FERRY3: variants seen among roughly 807,000 people sequenced by gnomAD.
FERRY3 encodes the protein protein C12orf4.
At chr12:4,518,746 A>C in the FERRY3 span, 1 of 1,265,870 alleles carries the variant, frequency 7.9e-7, no homozygotes, top group African/African-American at 1.5e-5. Context: ...ACAATAAATT[A>C]TAACTGCAAA....
chr12:4,517,832 C>A, the FERRY3 span, among the ~76,000 whole-genome samples: 1 of 151,274 alleles, frequency 6.6e-6, no homozygotes, highest in African/African-American at 2.4e-5. Flanking sequence ...AATGAGAATT[C>A]TATAAAAACA....
the FERRY3 span, among the ~76,000 whole-genome samples, chr12:4,515,866 G>A: frequency 6.6e-6 from 1 of 152,196 alleles, no homozygotes; most frequent in Non-Finnish European, 1.5e-5. Flanking sequence ...TTCGTTTGAA[G>A]TAATTATTTT....
chr12:4,513,961 T>A, the FERRY3 span, among the ~76,000 whole-genome samples: 12 of 151,240 alleles, frequency 7.9e-5, no homozygotes, highest in Non-Finnish European at 1.5e-4. Context: ...ACAGGCAACC[T>A]ACAAAATGGG....
chr12:4,518,566 A>C, the FERRY3 span, among the ~76,000 whole-genome samples: 1 of 152,186 alleles, frequency 6.6e-6, no homozygotes, highest in East Asian at 1.9e-4. Flanking sequence ...CATATAAAAA[A>C]AGTTGCAGCG....
chr12:4,518,460 C>T, the FERRY3 span, among the ~76,000 whole-genome samples: 1 of 152,052 alleles, frequency 6.6e-6, no homozygotes, highest in African/African-American at 2.4e-5. Context: ...AACTTAAAGC[C>T]AATAAAATAT....
At chr12:4,505,628 G>A in the FERRY3 span, among the ~76,000 whole-genome samples, 3 of 152,196 alleles carry the variant, frequency 2.0e-5, no homozygotes, top group Non-Finnish European at 4.4e-5. Context: ...GCTTGGATGG[G>A]TTAACTAACT....
chr12:4,518,116 G>C, the FERRY3 span: 5 of 1,613,950 alleles, frequency 3.1e-6, no homozygotes, highest in Non-Finnish European at 3.4e-6. Flanking sequence ...CCAGGCCACA[G>C]AGAGATGTAG....
chr12:4,522,071 T>TGA, the FERRY3 span, among the ~76,000 whole-genome samples: 1 of 152,210 alleles, frequency 6.6e-6, no homozygotes, highest in Non-Finnish European at 1.5e-5. Context: ...TTTGAATGAT[T>TGA]ATGATGTCAA....
chr12:4,525,486 G>T, the FERRY3 span: 2 of 1,610,740 alleles, frequency 1.2e-6, no homozygotes, highest in Non-Finnish European at 1.7e-6. Flanking sequence ...TCACTTACTT[G>T]CTGGGATTCA....
the FERRY3 span, among the ~76,000 whole-genome samples, chr12:4,533,377 TAATTC>T: frequency 3.9e-5 from 6 of 152,198 alleles, no homozygotes; most frequent in Non-Finnish European, 7.3e-5. Context: ...GTTAGTATAC[TAATTC>T]TTCCTATTTC....
At chr12:4,508,078 G>GA in the FERRY3 span, among the ~76,000 whole-genome samples, 1 of 152,136 alleles carries the variant, frequency 6.6e-6, no homozygotes, top group Admixed American at 6.5e-5. Context: ...AATAGATAAA[G>GA]AAACTGCAGT....
At chr12:4,528,773 A>G in the FERRY3 span, among the ~76,000 whole-genome samples, 1 of 152,190 alleles carries the variant, frequency 6.6e-6, no homozygotes, top group Non-Finnish European at 1.5e-5. Flanking sequence ...CTTAACCATG[A>G]CAATGCTCCA....
chr12:4,518,915 T>C, the FERRY3 span: 1 of 1,381,696 alleles, frequency 7.2e-7, no homozygotes, highest in East Asian at 2.6e-5. Context: ...TACTTTTATG[T>C]TTGTCAAAAA....
At chr12:4,524,513 C>T in the FERRY3 span, among the ~76,000 whole-genome samples, 394 of 133,642 alleles carry the variant, frequency 2.9e-3, 1 homozygote, top group African/African-American at 9.5e-3. Context: ...GGGTACACAA[C>T]GAAAAAAAAA....
chr12:4,515,131 G>C, the FERRY3 span, among the ~76,000 whole-genome samples: 1 of 152,084 alleles, frequency 6.6e-6, no homozygotes, highest in East Asian at 1.9e-4. Flanking sequence ...TTAAAAAACA[G>C]CTGAATTACT....
the FERRY3 span, chr12:4,518,998 CTCA>C: frequency 1.7e-6 from 1 of 594,048 alleles, no homozygotes; most frequent in Non-Finnish European, 2.7e-6. Flanking sequence ...TTTTCCTAAA[CTCA>C]TCCTTAATCC....
chr12:4,518,864 G>A, the FERRY3 span: 1 of 1,578,324 alleles, frequency 6.3e-7, no homozygotes, highest in Non-Finnish European at 8.6e-7. Flanking sequence ...TGACTTGGCT[G>A]AACTTTAATT....
the FERRY3 span, among the ~76,000 whole-genome samples, chr12:4,529,381 G>T: frequency 1.3e-5 from 2 of 152,300 alleles, no homozygotes; most frequent in East Asian, 3.9e-4. Flanking sequence ...GGGCAATACA[G>T]AGGTTCTGAA....
At chr12:4,530,097 T>C in the FERRY3 span, 22 of 1,526,720 alleles carry the variant, frequency 1.4e-5, no homozygotes, top group Non-Finnish European at 2.0e-5. Flanking sequence ...CTAGTATTTT[T>C]ATTTAACACA....
Sources: gnomAD v4.1 joint callset for allele counts (sites outside exome capture counted in the v4.1 genomes callset) on GRCh38, gnomAD v4.1.1 for gene constraint, MANE v1.5 for transcripts, NCBI Gene and HGNC (gene_info 2026-07-23, HGNC 2026-07-21) for gene names.